The following CNTN5 variants were observed in gnomAD, a reference collection of about 807,000 sequenced individuals.
The protein encoded by CNTN5 is contactin 5.
A neutral mutation model predicts 129.1 loss-of-function variants in CNTN5; 77 were observed. That is an observed-to-expected ratio of 0.60 (90% CI 0.50 to 0.72). CNTN5 has a LOEUF of 0.72. CNTN5 is among the 30% of genes least tolerant of loss of function. The pLI, the probability that CNTN5 is intolerant of heterozygous loss-of-function variation, is 0.00. For synonymous variants in CNTN5, 509 were observed against 465.6 expected (o/e 1.09, Z -1.20); for missense variants, 1,478 against 1,328.8 (o/e 1.11, Z -1.75).
chr11:99,844,385 A>G (rs2135693041), intron 4 of CNTN5, among the ~76,000 whole-genome samples: 1 of 152,306 alleles, frequency 6.6e-6, no homozygotes, highest in East Asian at 1.9e-4. Flanking sequence ...CAGTGAATTA[A>G]TGAAGAATAT....
intron 3 of CNTN5, among the ~76,000 whole-genome samples, chr11:99,719,492 A>T (rs1161954071): frequency 6.6e-6 from 1 of 152,142 alleles, no homozygotes; most frequent in East Asian, 1.9e-4. Context: ...GAAACAAAGG[A>T]TGAAGATGAA....
At chr11:100,208,036 T>G (rs1948951094) in intron 15 of CNTN5, among the ~76,000 whole-genome samples, 1 of 152,202 alleles carries the variant, frequency 6.6e-6, no homozygotes, top group Non-Finnish European at 1.5e-5. Context: ...CTCATTTTTA[T>G]ATTTTAGGCA....
chr11:99,921,233 G>A (rs898328349), intron 7 of CNTN5, among the ~76,000 whole-genome samples: 3 of 152,102 alleles, frequency 2.0e-5, no homozygotes, highest in Non-Finnish European at 4.4e-5. Context: ...CCCTACCATC[G>A]CTTGGAGAAC....
At position 100,350,886 on chromosome 11, in the gene CNTN5, G is replaced by A. The variant is rs1952396338; in HGVS notation, c.3199+16G>A. 6.6e-7 allele frequency: 1 copy of A among 1,525,426 alleles called. No homozygotes were observed. Among genetic ancestry groups the A allele is most frequent in the Non-Finnish European group, 8.9e-7 (1 of 1,128,126 alleles). 94.5% of individuals were successfully genotyped at this position (1,525,426 alleles called of 1,614,324 possible). A position where few individuals can be genotyped will look rare whatever the true frequency, so the allele number is the denominator to read the frequency against. Reference sequence around the variant, plus strand: ...TCATATTCAGGTAAGTTTTGACACAGTAGATTTAATTTGCTGACAACCAAC... The same window carrying A: ...TCATATTCAGGTAAGTTTTGACACAATAGATTTAATTTGCTGACAACCAAC... On this transcript the variant is annotated intron_variant, in intron 24 of 24. Transcript: ENST00000524871.
chr11:100,113,415 G>A (rs76022661), intron 13 of CNTN5, among the ~76,000 whole-genome samples: 1,098 of 38,556 alleles, frequency 0.028, 26 homozygotes, highest in African/African-American at 0.1. Flanking sequence ...GGGATGCCAT[G>A]CCAAAAAAAA....
chr11:99,690,789 G>A (rs933735346), intron 3 of CNTN5, among the ~76,000 whole-genome samples: 3 of 152,070 alleles, frequency 2.0e-5, no homozygotes, highest in African/African-American at 7.2e-5. Context: ...AGTTAGGGAG[G>A]ATTCCTTCCT....
At position 100,189,128 on chromosome 11, in the gene CNTN5, T is replaced by A. The variant is rs1018534515; in HGVS notation, c.1581-1998T>A. ...AGTTGAAAAACTAACTATTGGGTAC[T>A]GTGCTCTACCCTGGGTGACAGGATC... On this transcript the variant is annotated intron_variant, in intron 13 of 24. Transcript: ENST00000524871. 2.0e-5 allele frequency among the ~76,000 whole-genome samples: 3 copies of A among 152,140 alleles called. No homozygotes were observed. The South Asian group carries it at 6.2e-4, about 32-fold the overall frequency.
intron 2 of CNTN5, among the ~76,000 whole-genome samples, chr11:99,441,424 A>G (rs1300520505): frequency 1.3e-5 from 2 of 152,162 alleles, no homozygotes; most frequent in Non-Finnish European, 2.9e-5. Context: ...ACTTTCTAAC[A>G]TATGTTAGAA....
chr11:99,802,839 G>A (rs952049137), intron 3 of CNTN5, among the ~76,000 whole-genome samples: 7 of 152,170 alleles, frequency 4.6e-5, no homozygotes, highest in Admixed American at 3.3e-4. Flanking sequence ...CCAAATGCTT[G>A]GAAATATGCC....
rs536097727 is a variant in CNTN5 at position 99,626,273 on chromosome 11, T to C, written c.55+70004T>C. 5.9e-5 allele frequency among the ~76,000 whole-genome samples: 9 copies of C among 152,216 alleles called. No individual in the cohort carries two copies. In the South Asian group the frequency reaches 1.9e-3, roughly 32 times the overall value. ...GAGAATTGACAGTGGAAAGGTTGCT[T>C]GGATCCAAATTGTTCAGTGCCTCCG... On this transcript the variant is annotated intron_variant, in intron 3 of 24. Coordinates refer to ENST00000524871, the MANE Select transcript of CNTN5 (RefSeq NM_014361.4).
intron 9 of CNTN5, among the ~76,000 whole-genome samples, chr11:100,042,792 T>A (rs1027433949): frequency 6.6e-6 from 1 of 152,214 alleles, no homozygotes; most frequent in Non-Finnish European, 1.5e-5. Context: ...TCTTCTCCTG[T>A]TATTAAGAGA....
intron 7 of CNTN5, among the ~76,000 whole-genome samples, chr11:99,921,382 A>G (rs759330009): frequency 6.6e-6 from 1 of 152,126 alleles, no homozygotes; most frequent in Non-Finnish European, 1.5e-5. Context: ...TGCAGTCGCT[A>G]TTCCCTAGGC....
At chr11:99,996,508 A>G (rs1273389793) in intron 8 of CNTN5, among the ~76,000 whole-genome samples, 1 of 152,086 alleles carries the variant, frequency 6.6e-6, no homozygotes, top group East Asian at 1.9e-4. Context: ...AGAAAAATTG[A>G]TATTCCTATT....
At chr11:100,123,770 A>G (rs1946097925) in intron 13 of CNTN5, among the ~76,000 whole-genome samples, 1 of 152,060 alleles carries the variant, frequency 6.6e-6, no homozygotes. Context: ...GGTTCGGTGG[A>G]TTATAAATAT....
At chr11:99,220,373 T>A (rs1471996198) in intron 1 of CNTN5, among the ~76,000 whole-genome samples, 1 of 152,004 alleles carries the variant, frequency 6.6e-6, no homozygotes, top group Non-Finnish European at 1.5e-5. Flanking sequence ...ATTAAGTTTA[T>A]ACTACTTTTG....
At position 99,044,093 on chromosome 11, in the gene CNTN5, A is replaced by C. The variant is rs1864109331; in HGVS notation, c.-210+22823A>C. Among the ~76,000 whole-genome samples, 6 of 152,302 alleles carry C rather than the reference A, an allele frequency of 3.9e-5. No individual in the cohort carries two copies. The South Asian group carries it at 1.2e-3, about 32-fold the overall frequency. ...TAGGCTTTCTTAGACCTAGTAGGTAAAGAACATGAAGTAACAATCAAATTC... is the reference window on the plus strand; with the variant it reads ...TAGGCTTTCTTAGACCTAGTAGGTACAGAACATGAAGTAACAATCAAATTC... On this transcript the variant is annotated intron_variant, in intron 1 of 24. Coordinates refer to ENST00000524871, the MANE Select transcript of CNTN5 (RefSeq NM_014361.4).
intron 1 of CNTN5, among the ~76,000 whole-genome samples, chr11:99,114,597 G>GA (rs1326676783): frequency 2.0e-5 from 3 of 151,078 alleles, no homozygotes; most frequent in African/African-American, 7.3e-5. Flanking sequence ...AACATTTAAT[G>GA]AAAAAAATAC....
At chr11:99,454,413 T>C (rs1269642308) in intron 2 of CNTN5, among the ~76,000 whole-genome samples, 1 of 152,098 alleles carries the variant, frequency 6.6e-6, no homozygotes, top group African/African-American at 2.4e-5. Context: ...GCTGTTCTCA[T>C]AATAGTGAGT....
intron 1 of CNTN5, among the ~76,000 whole-genome samples, chr11:99,238,286 C>A (rs145802350): frequency 6.6e-6 from 1 of 152,094 alleles, no homozygotes; most frequent in Non-Finnish European, 1.5e-5. Context: ...GTTAATAAGA[C>A]ACTTTAGAAA....
Sources: allele counts gnomAD v4.1 joint callset (sites outside exome capture counted in the v4.1 genomes callset), GRCh38; gene constraint gnomAD v4.1.1; transcripts MANE v1.5; gene names NCBI Gene and HGNC (gene_info 2026-07-23, HGNC 2026-07-21).